DNAAF3: variants seen among roughly 807,000 people sequenced by gnomAD.
The protein encoded by DNAAF3 is dynein axonemal assembly factor 3.
DNAAF3 carries 40 observed loss-of-function variants against 50.9 expected under a neutral mutation model. The ratio of observed to expected loss-of-function variants is 0.79; its 90% CI spans 0.61 to 1.02. The LOEUF (loss-of-function observed/expected upper bound fraction) is 1.02, where lower values mean the gene tolerates loss of function less well. Ranked by LOEUF, DNAAF3 falls within the 50% of genes least tolerant of loss-of-function variation. The pLI, the probability that DNAAF3 is intolerant of heterozygous loss-of-function variation, is 0.00. For synonymous variants in DNAAF3, 327 were observed against 322.8 expected, an observed-to-expected ratio of 1.01 and a Z score of -0.14; for missense variants, 763 against 744.7, an observed-to-expected ratio of 1.02 and a Z score of -0.29.
Position 55,166,276 on chromosome 19 carries a change from T to A in DNAAF3, c.85+53A>T. ...GGACTACGAGCTCTAAAAGGCCGTCTGCTCAGGCTGGGAAGGCAGACGGTG... is the reference window on the plus strand; with the variant it reads ...GGACTACGAGCTCTAAAAGGCCGTCAGCTCAGGCTGGGAAGGCAGACGGTG... On this transcript the variant is annotated intron_variant, in intron 2 of 11. Coordinates refer to ENST00000524407, the MANE Select transcript of DNAAF3 (RefSeq NM_001256715.2). This position sits in a 1 kb window ranked among gnomAD's most constrained non-coding sequence, Gnocchi z 4.0. 1 of 1,595,554 alleles carries A rather than the reference T, an allele frequency of 6.3e-7. No individual in the cohort carries two copies. Among genetic ancestry groups the A allele is most frequent in the Admixed American group, 1.8e-5 (1 of 57,020 alleles).
Position 55,161,932 on chromosome 19 carries a change from C to T in DNAAF3, c.481-107G>A. On this transcript the variant is annotated intron_variant, in intron 5 of 11. Coordinates refer to ENST00000524407, the MANE Select transcript of DNAAF3 (RefSeq NM_001256715.2). The surrounding 1 kb of genome is among the most constrained non-coding windows in gnomAD (Gnocchi z 6.4). ...ATCCCAGAACAGGGGAACGATTCCC[C>T]CGTTTCTCGGATGGAAAAACTGAGG... The T allele has an allele frequency of 7.4e-7, 1 of 1,353,228 alleles. No homozygotes were observed. The highest frequency in any genetic ancestry group is 1.7e-5 in the South Asian group (1 of 58,102). 83.8% of individuals were successfully genotyped at this position (1,353,228 alleles called of 1,614,324 possible). A position where few individuals can be genotyped will look rare whatever the true frequency, so the allele number is the denominator to read the frequency against.
chr19:55,159,154 CAG>C lies in DNAAF3; in HGVS notation c.1532_1533del (p.Ser511Ter), dbSNP rs560967168. The C allele has an allele frequency of 9.9e-6, 16 of 1,613,774 alleles. No homozygotes were observed. Among genetic ancestry groups the C allele is most frequent in the Non-Finnish European group, 1.3e-5 (15 of 1,180,030 alleles). On this transcript the variant is annotated frameshift_variant, in exon 12 of 12. Coordinates refer to ENST00000524407, the MANE Select transcript of DNAAF3 (RefSeq NM_001256715.2). LOFTEE classifies it low-confidence loss of function (END_TRUNC). ...ACCTCTGAGAGTGAACCTGGAGACT[CAG>C]AGGGCAGCTGGCAGGGCTCACAGTG... ...TPHCEPCQLP[S>X]ESPGSLSEVL...
At position 55,160,960 on chromosome 19, in the gene DNAAF3, G is replaced by A; in HGVS notation, c.912+105C>T. 6.9e-7 allele frequency: 1 copy of A among 1,455,448 alleles called. No individual in the cohort carries two copies. Among genetic ancestry groups the A allele is most frequent in the Non-Finnish European group, 9.0e-7 (1 of 1,107,422 alleles). The allele number at this position is 1,455,448 out of a possible 1,614,324, so 90.2% of individuals were successfully genotyped here. A position where few individuals can be genotyped will look rare whatever the true frequency, so the allele number is the denominator to read the frequency against. ...ATGGAGTCGTTCCCACCAAGCGACG[G>A]GCGGGGTCTGGAGCTGGGGGCGGGG... is the stretch of plus-strand genomic sequence containing the variant. On this transcript the variant is annotated intron_variant, in intron 8 of 11. Transcript: ENST00000524407. This position sits in a 1 kb window ranked among gnomAD's most constrained non-coding sequence, Gnocchi z 4.7.
rs1462442737 is a variant in DNAAF3, at chr19:55,161,766, C to A, written c.540G>T (p.Gly180=). 6.6e-7 allele frequency: 1 copy of A among 1,511,098 alleles called. No individual in the cohort carries two copies. Among genetic ancestry groups the A allele is most frequent in the Non-Finnish European group, 8.8e-7 (1 of 1,130,982 alleles). 93.6% of individuals were successfully genotyped at this position (1,511,098 alleles called of 1,614,324 possible). ...VFRFWAGGEK[G]PQAFPMSRLW... is the part of the protein sequence containing the mutation. ...GGCGGCTCATGGGGAACGCCTGGGG[C>A]CCTTTCTCGCCGCCAGCCCAGAAGC... The change falls in exon 6 of 12, where the codon GGG becomes GGT. Residue 180 remains glycine, a synonymous_variant. Coordinates refer to ENST00000524407, the MANE Select transcript of DNAAF3 (RefSeq NM_001256715.2). This position sits in a 1 kb window ranked among gnomAD's most constrained non-coding sequence, Gnocchi z 6.4.
At position 55,161,293 on chromosome 19, in the gene DNAAF3, G is replaced by A. The variant is rs776072944; in HGVS notation, c.789C>T (p.Tyr263=). 2.9e-5 allele frequency: 46 copies of A among 1,609,322 alleles called. 1 individual carries two copies. In the South Asian group the frequency reaches 4.6e-4, roughly 16 times the overall value. Reference sequence around the variant, plus strand: ...GCCAGGACAGGCAGTGGACACGCACGTAGCTCAGGAGGCGACCGGACGCCA... The same window carrying A: ...GCCAGGACAGGCAGTGGACACGCACATAGCTCAGGAGGCGACCGGACGCCA... The part of the protein sequence containing the change: ...RTLASGRLLS[Y]RGERVAARGY... The change falls in exon 7 of 12, where the codon TAC becomes TAT. Residue 263 remains tyrosine (Y), a splice_region_variant and synonymous_variant. Coordinates refer to ENST00000524407, the MANE Select transcript of DNAAF3 (RefSeq NM_001256715.2). This position sits in a 1 kb window ranked among gnomAD's most constrained non-coding sequence, Gnocchi z 6.4.
Position 55,166,548 on chromosome 19 carries a change from G to A in DNAAF3, c.-30C>T. ...CTTTATCCTCCAAATATCCCGGGAC[G>A]CCCCTTCCTCTCTGCTCAGTGCAGC... On this transcript the variant is annotated 5_prime_UTR_variant, in exon 1 of 12. Coordinates refer to ENST00000524407, the MANE Select transcript of DNAAF3 (RefSeq NM_001256715.2). This position sits in a 1 kb window ranked among gnomAD's most constrained non-coding sequence, Gnocchi z 4.0. 1 of 1,614,006 alleles carries A rather than the reference G, an allele frequency of 6.2e-7. No individual in the cohort carries two copies. The highest frequency in any genetic ancestry group is 8.5e-7 in the Non-Finnish European group (1 of 1,180,018).
At position 55,159,885 on chromosome 19, in the gene DNAAF3, G is replaced by C. The variant is rs1440838225; in HGVS notation, c.1163+14C>G. On this transcript the variant is annotated intron_variant, in intron 10 of 11. Coordinates refer to ENST00000524407, the MANE Select transcript of DNAAF3 (RefSeq NM_001256715.2). ...ATCCTGGGTCTTTGTGAGCACAGCT[G>C]CCTCCCCGCTTACCCACAGGCCACA... is the stretch of plus-strand genomic sequence containing the variant. The C allele has an allele frequency of 6.2e-7, 1 of 1,612,182 alleles. No individual in the cohort carries two copies.
chr19:55,165,749 A>T (rs1404729274), intron 3 of DNAAF3, 109 bp downstream of exon 3: 1 of 1,521,894 alleles, frequency 6.6e-7, no homozygotes, highest in Admixed American at 2.0e-5. Flanking sequence ...CCTCCCTCAG[A>T]TCTAGGAGTC....
chr19:55,162,007 G>A (rs2085845327), intron 5 of DNAAF3, 126 bp downstream of exon 5: 3 of 1,338,376 alleles, frequency 2.2e-6, no homozygotes, highest in Admixed American at 7.2e-5. Context: ...CCCACAGTGG[G>A]AGTCGGGGAA....
rs780039007 is a variant in DNAAF3, at chr19:55,166,053, C to T, written c.86-53G>A. On this transcript the variant is annotated intron_variant, in intron 2 of 11. Coordinates refer to ENST00000524407, the MANE Select transcript of DNAAF3 (RefSeq NM_001256715.2). The surrounding 1 kb of genome is among the most constrained non-coding windows in gnomAD (Gnocchi z 4.0). ...CCATGGTGGTTGGCAGAGCGTCCACCGTAGCATCCCCTATAAAAAATGGAC... is the reference window on the plus strand; with the variant it reads ...CCATGGTGGTTGGCAGAGCGTCCACTGTAGCATCCCCTATAAAAAATGGAC... The T allele has an allele frequency of 3.1e-6, 5 of 1,613,792 alleles. No individual in the cohort carries two copies. Among genetic ancestry groups the T allele is most frequent in the South Asian group, 1.1e-5 (1 of 91,024 alleles).
At position 55,161,343 on chromosome 19, in the gene DNAAF3, C is replaced by T. The variant is rs2085827314; in HGVS notation, c.739G>A (p.Ala247Thr). 3 of 1,610,542 alleles carry T rather than the reference C, an allele frequency of 1.9e-6. No homozygotes were observed. Among genetic ancestry groups the T allele is most frequent in the Non-Finnish European group, 2.5e-6 (3 of 1,178,968 alleles). The stretch of plus-strand genomic sequence containing the variant: ...AGGGTCCGGTTGGGCACATGATAGG[C>T]GCTGGAGTCCCTGAGTTCAAAGGCG... ...GVAFELRDSS[A>T]YHVPNRTLAS... Residue 247 changes from alanine (A) to threonine (T), a missense_variant, in exon 7 of 12, where the codon GCC becomes ACC. Transcript: ENST00000524407. This position sits in a 1 kb window ranked among gnomAD's most constrained non-coding sequence, Gnocchi z 6.4.
Position 55,160,530 on chromosome 19 carries a change from T to C in DNAAF3, c.1048+110A>G. ...GAAAGAGAGAAAAAGAGACAGAATA[T>C]CAAGAAGCCGTCACTTGCCCAGGCA... is the stretch of plus-strand genomic sequence containing the variant. On this transcript the variant is annotated intron_variant, in intron 9 of 11. Transcript: ENST00000524407. This position sits in a 1 kb window ranked among gnomAD's most constrained non-coding sequence, Gnocchi z 4.7. The C allele has an allele frequency of 1.3e-6, 2 of 1,548,744 alleles. No individual in the cohort carries two copies. Among genetic ancestry groups the C allele is most frequent in the Non-Finnish European group, 1.8e-6 (2 of 1,142,656 alleles).
chr19:55,160,807 G>A lies in DNAAF3; in HGVS notation c.913-32C>T, dbSNP rs2085811521. Reference sequence around the variant, plus strand: ...GTAGAAGGGGCGTGGCCAGACGTCGGGGCCAGGATGGCGGGGCGGGGCTTA... The same window carrying A: ...GTAGAAGGGGCGTGGCCAGACGTCGAGGCCAGGATGGCGGGGCGGGGCTTA... On this transcript the variant is annotated intron_variant, in intron 8 of 11. Transcript: ENST00000524407. This position sits in a 1 kb window ranked among gnomAD's most constrained non-coding sequence, Gnocchi z 4.7. 1 of 1,595,902 alleles carries A rather than the reference G, an allele frequency of 6.3e-7. No homozygotes were observed. The highest frequency in any genetic ancestry group is 2.2e-5 in the East Asian group (1 of 44,610).
rs561567897 is a variant in DNAAF3, at chr19:55,161,608, G to T, written c.663+35C>A. The stretch of plus-strand genomic sequence containing the variant: ...AGCCCCTCCTCCCTCAGACCCAGGG[G>T]TCCAGGCCCCCAGCCCCTCTCCTGG... On this transcript the variant is annotated intron_variant, in intron 6 of 11. Coordinates refer to ENST00000524407, the MANE Select transcript of DNAAF3 (RefSeq NM_001256715.2). This position sits in a 1 kb window ranked among gnomAD's most constrained non-coding sequence, Gnocchi z 6.4. The T allele has an allele frequency of 6.6e-7, 1 of 1,514,558 alleles. No individual in the cohort carries two copies. Among genetic ancestry groups the T allele is most frequent in the South Asian group, 1.2e-5 (1 of 81,754 alleles). 93.8% of individuals were successfully genotyped at this position (1,514,558 alleles called of 1,614,324 possible). A position where few individuals can be genotyped will look rare whatever the true frequency, so the allele number is the denominator to read the frequency against.
At position 55,158,924 on chromosome 19, in the gene DNAAF3, G is replaced by A; in HGVS notation, c.*138C>T. 1.1e-6 allele frequency: 1 copy of A among 891,614 alleles called. No homozygotes were observed. Among genetic ancestry groups the A allele is most frequent in the South Asian group, 2.0e-5 (1 of 50,388 alleles). 55.2% of individuals were successfully genotyped at this position (891,614 alleles called of 1,614,324 possible). On this transcript the variant is annotated 3_prime_UTR_variant, in exon 12 of 12. Transcript: ENST00000524407. The stretch of plus-strand genomic sequence containing the variant: ...TTGAAAGTCTACCAACACTCCCGGG[G>A]TGGGGGTGGCGGGTACTGAGTGGGA...
In DNAAF3 at chr19:55,166,610, A is replaced by C. The variant is rs780864867; in HGVS notation, c.-92T>G. The C allele has an allele frequency of 1.2e-5, 19 of 1,614,066 alleles. No individual in the cohort carries two copies. In the East Asian group the frequency reaches 3.8e-4, roughly 32 times the overall value. On this transcript the variant is annotated 5_prime_UTR_variant, in exon 1 of 12. Transcript: ENST00000524407. This position sits in a 1 kb window ranked among gnomAD's most constrained non-coding sequence, Gnocchi z 4.0. ...GCGGCACTCCACAACCGCTGCCCAG[A>C]GTCCCCGCCCTTTTCGAGGAATCAA...
chr19:55,160,592 A>C lies in DNAAF3; in HGVS notation c.1048+48T>G. On this transcript the variant is annotated intron_variant, in intron 9 of 11. Transcript: ENST00000524407. The surrounding 1 kb of genome is among the most constrained non-coding windows in gnomAD (Gnocchi z 4.7). ...GTCAGTCCACACTCCAGTGTGAAAC[A>C]CCTGGAGGCTGGAGTCCCTGGCTTA... 2.5e-6 allele frequency: 4 copies of C among 1,613,368 alleles called. No individual in the cohort carries two copies. Among genetic ancestry groups the C allele is most frequent in the Non-Finnish European group, 3.4e-6 (4 of 1,179,804 alleles).
Position 55,166,274 on chromosome 19 carries a change from T to C in DNAAF3, c.85+55A>G, listed in dbSNP as rs1354904576. 6.3e-7 allele frequency: 1 copy of C among 1,593,588 alleles called. No homozygotes were observed. The highest frequency in any genetic ancestry group is 1.3e-5 in the African/African-American group (1 of 74,280). On this transcript the variant is annotated intron_variant, in intron 2 of 11. Coordinates refer to ENST00000524407, the MANE Select transcript of DNAAF3 (RefSeq NM_001256715.2). This position sits in a 1 kb window ranked among gnomAD's most constrained non-coding sequence, Gnocchi z 4.0. ...TGGGACTACGAGCTCTAAAAGGCCG[T>C]CTGCTCAGGCTGGGAAGGCAGACGG...
chr19:55,160,824 C>A lies in DNAAF3; in HGVS notation c.913-49G>T, dbSNP rs756181107. On this transcript the variant is annotated intron_variant, in intron 8 of 11. Coordinates refer to ENST00000524407, the MANE Select transcript of DNAAF3 (RefSeq NM_001256715.2). This position sits in a 1 kb window ranked among gnomAD's most constrained non-coding sequence, Gnocchi z 4.7. The stretch of plus-strand genomic sequence containing the variant: ...AGACGTCGGGGCCAGGATGGCGGGG[C>A]GGGGCTTAGAACGCTGGGAGTCCTC... 6.3e-7 allele frequency: 1 copy of A among 1,584,282 alleles called. No individual in the cohort carries two copies. The highest frequency in any genetic ancestry group is 1.9e-4 in the Middle Eastern group (1 of 5,302).
Sources: allele counts gnomAD v4.1 joint callset, GRCh38; gene constraint gnomAD v4.1.1; non-coding constraint Gnocchi (gnomAD v3.1); transcripts MANE v1.5; gene names NCBI Gene and HGNC (gene_info 2026-07-23, HGNC 2026-07-21).